ACTN1: variants seen among roughly 807,000 people sequenced by gnomAD.
ACTN1 encodes the protein alpha-actinin-1.
ACTN1 carries 30 observed loss-of-function variants against 119.6 expected under a neutral mutation model. The observed-to-expected ratio is 0.25, with a 90% confidence interval of 0.19 to 0.34. The LOEUF is 0.34. Ranked by LOEUF, ACTN1 falls within the 10% of genes least tolerant of loss-of-function variation. The probability of loss-of-function intolerance (pLI) is 1.00; values close to 1 mark genes in which losing one functional copy is unlikely to be tolerated. For synonymous variants in ACTN1, 429 were observed against 472.6 expected, an observed-to-expected ratio of 0.91 and a Z score of 1.20; for missense variants, 764 against 1,223.4, an observed-to-expected ratio of 0.62 and a Z score of 5.60.
At chr14:68,948,865 G>A (rs2036034538) in intron 1 of ACTN1, among the ~76,000 whole-genome samples, 2 of 152,222 alleles carry the variant, frequency 1.3e-5, no homozygotes, top group African/African-American at 4.8e-5. Context: ...TGCCTCCTGA[G>A]GCGCACGGGG....
In ACTN1 at chr14:68,950,455, C is replaced by CATGTGTGTGTGTGT. The variant is rs141940950; in HGVS notation, c.106-24784_106-24783insACACACACACACAT. On this transcript the variant is annotated intron_variant, in intron 1 of 21. Transcript: ENST00000394419. ...TGTATCTTTTACCATAATATATATG[C>CATGTGTGTGTGTGT]GTGTGTGTATATATATATATATAAA... Among the ~76,000 whole-genome samples, 90 of 137,540 alleles carry CATGTGTGTGTGTGT rather than the reference C, an allele frequency of 6.5e-4. 1 individual carries two copies. The highest frequency in any genetic ancestry group is 1.0e-3 in the Admixed American group (15 of 14,620). 90.2% of individuals were successfully genotyped at this position (137,540 alleles called of 152,430 possible). A position where few individuals can be genotyped will look rare whatever the true frequency, so the allele number is the denominator to read the frequency against.
chr14:68,954,944 T>A (rs2036303753), intron 1 of ACTN1, among the ~76,000 whole-genome samples: 1 of 152,230 alleles, frequency 6.6e-6, no homozygotes, highest in Admixed American at 6.5e-5. Context: ...ATCCTTTTTC[T>A]TAAATCTTAG....
chr14:68,932,706 C>T (rs534887106), intron 1 of ACTN1, among the ~76,000 whole-genome samples: 12 of 152,008 alleles, frequency 7.9e-5, no homozygotes, highest in South Asian at 2.1e-4. Context: ...GGGTCACACA[C>T]GCCAAGGTCT....
intron 2 of ACTN1, among the ~76,000 whole-genome samples, chr14:68,924,616 G>A (rs545137363): frequency 3.3e-5 from 5 of 152,358 alleles, no homozygotes; most frequent in African/African-American, 1.2e-4. Flanking sequence ...TGGACTGACT[G>A]TCGGACAAGC....
chr14:68,972,962 T>G (rs2140690991), intron 1 of ACTN1, among the ~76,000 whole-genome samples: 1 of 152,322 alleles, frequency 6.6e-6, no homozygotes, highest in South Asian at 2.1e-4. Context: ...TCTTGTTAAC[T>G]TTATGGCAGA....
At chr14:68,943,294 G>A (rs2035825804) in intron 1 of ACTN1, among the ~76,000 whole-genome samples, 1 of 152,188 alleles carries the variant, frequency 6.6e-6, no homozygotes, top group Non-Finnish European at 1.5e-5. Flanking sequence ...CCAGAAGCGT[G>A]GGAAGAAGGG....
In ACTN1 at chr14:68,909,210, C is replaced by T; in HGVS notation, c.594+108G>A. The T allele has an allele frequency of 8.8e-7, 1 of 1,134,948 alleles. No homozygotes were observed. The highest frequency in any genetic ancestry group is 1.9e-5 in the Admixed American group (1 of 53,546). 70.3% of individuals were successfully genotyped at this position (1,134,948 alleles called of 1,614,324 possible). A position where few individuals can be genotyped will look rare whatever the true frequency, so the allele number is the denominator to read the frequency against. ...CTGTCTGGCTATTCTAAGAGGCCAACACTGCTCAGGCTGGACCATGGACTG... is the reference window on the plus strand; with the variant it reads ...CTGTCTGGCTATTCTAAGAGGCCAATACTGCTCAGGCTGGACCATGGACTG... On this transcript the variant is annotated intron_variant, in intron 6 of 21. Coordinates refer to ENST00000394419, the MANE Select transcript of ACTN1 (RefSeq NM_001130004.2). This position sits in a 1 kb window ranked among gnomAD's most constrained non-coding sequence, Gnocchi z 4.1.
chr14:68,975,263 C>T (rs572107382), intron 1 of ACTN1, among the ~76,000 whole-genome samples: 1 of 152,198 alleles, frequency 6.6e-6, no homozygotes, highest in African/African-American at 2.4e-5. Context: ...ATTCGCTCAA[C>T]AAGTATTGAT....
intron 1 of ACTN1, among the ~76,000 whole-genome samples, chr14:68,967,807 G>A (rs899590991): frequency 3.9e-5 from 6 of 152,308 alleles, no homozygotes; most frequent in Admixed American, 2.0e-4. Context: ...GGGGCTCATC[G>A]TGGCTCCCCA....
intron 1 of ACTN1, among the ~76,000 whole-genome samples, chr14:68,965,440 C>T (rs1434749039): frequency 6.6e-6 from 1 of 152,252 alleles, no homozygotes; most frequent in Non-Finnish European, 1.5e-5. Flanking sequence ...ACTGAGCCCA[C>T]AGGCAAGCAG....
At position 68,885,864 on chromosome 14, in the gene ACTN1, A is replaced by C. The variant is rs2031961782; in HGVS notation, c.1235-289T>G. Reference sequence around the variant, plus strand: ...GAATGCATAGGGCATGACGCTATACACACAGCGGGAAACACAGCCATCCAC... The same window carrying C: ...GAATGCATAGGGCATGACGCTATACCCACAGCGGGAAACACAGCCATCCAC... On this transcript the variant is annotated intron_variant, in intron 11 of 21. Transcript: ENST00000394419. The surrounding 1 kb of genome is among the most constrained non-coding windows in gnomAD (Gnocchi z 5.6). 3.1e-6 allele frequency: 1 copy of C among 320,600 alleles called. No individual in the cohort carries two copies. Among genetic ancestry groups the C allele is most frequent in the African/African-American group, 2.1e-5 (1 of 48,574 alleles). 19.9% of individuals were successfully genotyped at this position (320,600 alleles called of 1,614,324 possible).
At chr14:68,914,219 A>T (rs1160590270) in intron 3 of ACTN1, among the ~76,000 whole-genome samples, 2 of 151,922 alleles carry the variant, frequency 1.3e-5, no homozygotes, top group Non-Finnish European at 2.9e-5. Context: ...TAAATAAAAT[A>T]AAAAAGTAAA....
At position 68,966,353 on chromosome 14, in the gene ACTN1, C is replaced by T. The variant is rs58307970; in HGVS notation, c.105+12599G>A. Among the ~76,000 whole-genome samples, 491 of 152,288 alleles carry T rather than the reference C, an allele frequency of 3.2e-3. 4 individuals are homozygous for T. Among genetic ancestry groups the T allele is most frequent in the African/African-American group, 0.011 (466 of 41,540 alleles). On this transcript the variant is annotated intron_variant, in intron 1 of 21. Transcript: ENST00000394419. ...TCATCTGCATGTGATAATCCAAGTACAGCCTTTAGAACAGAGCCCCACCAC... is the reference window on the plus strand; with the variant it reads ...TCATCTGCATGTGATAATCCAAGTATAGCCTTTAGAACAGAGCCCCACCAC...
chr14:68,905,890 G>A (rs1403015933), intron 6 of ACTN1, among the ~76,000 whole-genome samples: 1 of 151,988 alleles, frequency 6.6e-6, no homozygotes, highest in African/African-American at 2.4e-5. Flanking sequence ...GGCTGGGACA[G>A]GAGAATTGCT....
intron 1 of ACTN1, chr14:68,977,629 T>C: frequency 3.6e-6 from 1 of 278,804 alleles, no homozygotes; most frequent in South Asian, 3.2e-5. Context: ...CTAGGATTCC[T>C]GAGTGAGCTA....
At chr14:68,972,461 C>T (rs1297617896) in intron 1 of ACTN1, among the ~76,000 whole-genome samples, 1 of 152,122 alleles carries the variant, frequency 6.6e-6, no homozygotes, top group Non-Finnish European at 1.5e-5. Flanking sequence ...TCATTTTCTT[C>T]TTTATATTAG....
rs774599678 is a variant in ACTN1, at chr14:68,877,139, G to A, written c.2529C>T (p.Ala843=). The A allele has an allele frequency of 3.0e-5, 48 of 1,613,994 alleles. No homozygotes were observed. The East Asian group carries it at 4.7e-4, about 16-fold the overall frequency. The change falls in exon 21 of 22, where the codon GCC becomes GCT. Residue 843 remains alanine, a synonymous_variant. Transcript: ENST00000394419. ...AFIDFMSRET[A]DTDTADQVMA... ...TGACTTGGTCTGCTGTATCTGTGTC[G>A]GCTGTCTCGCGGGACATGAAGTCAA...
intron 8 of ACTN1, among the ~76,000 whole-genome samples, chr14:68,898,881 G>A (rs144575038): frequency 3.3e-5 from 5 of 151,664 alleles, no homozygotes; most frequent in South Asian, 2.1e-4. Flanking sequence ...TCACCCACAC[G>A]CCATCCACAT....
chr14:68,974,078 G>A (rs1319520237), intron 1 of ACTN1: 1 of 152,574 alleles, frequency 6.6e-6, no homozygotes, highest in Non-Finnish European at 1.5e-5. Context: ...CAGTGGGGAA[G>A]GTACCCTTTG....
Sources: gnomAD v4.1 joint callset for allele counts (sites outside exome capture counted in the v4.1 genomes callset) on GRCh38, gnomAD v4.1.1 for gene constraint, Gnocchi (gnomAD v3.1) non-coding constraint, MANE v1.5 for transcripts, NCBI Gene and HGNC (gene_info 2026-07-23, HGNC 2026-07-21) for gene names.